Variants in SPTBN4 observed in about 807,000 individuals in gnomAD.
SPTBN4 encodes spectrin beta, non-erythrocytic 4, also known as spectrin beta chain, non-erythrocytic 4.
Under a neutral mutation model 277.8 loss-of-function variants are expected in SPTBN4, and 96 were observed. That is an observed-to-expected ratio of 0.35 (90% CI 0.29 to 0.41). The LOEUF is 0.41. Ranked by LOEUF, SPTBN4 falls within the 10% of genes least tolerant of loss-of-function variation. The pLI is 1.00. For missense variants in SPTBN4, 3,006 were observed against 3,595.7 expected (o/e 0.84, Z 4.19); for synonymous variants, 1,481 against 1,580.3 (o/e 0.94, Z 1.49).
intron 22 of SPTBN4, among the ~76,000 whole-genome samples, chr19:40,550,770 C>G (rs972820218): frequency 3.3e-5 from 5 of 152,140 alleles, no homozygotes; most frequent in Admixed American, 6.5e-5. Context: ...CCACTCGCCT[C>G]AGCCTCCCAA....
chr19:40,567,489 G>A (rs530957925), intron 30 of SPTBN4, among the ~76,000 whole-genome samples, 174 bp from the exon 31 acceptor site: 98 of 152,200 alleles, frequency 6.4e-4, no homozygotes, highest in African/African-American at 2.2e-3. Flanking sequence ...GAGAGAATAG[G>A]CTTTAAGTTC....
intron 32 of SPTBN4, 68 bp from the exon 33 acceptor site, chr19:40,570,367 CT>C: frequency 9.5e-7 from 1 of 1,055,122 alleles, no homozygotes; most frequent in Non-Finnish European, 1.3e-6. Flanking sequence ...AGACCCATGA[CT>C]CCCCCAAACA....
chr19:40,483,732 A>G (rs1042495117), intron 2 of SPTBN4, among the ~76,000 whole-genome samples: 7 of 152,150 alleles, frequency 4.6e-5, no homozygotes, highest in African/African-American at 1.7e-4. Context: ...GATGATGCCC[A>G]TGCCAAATAG....
intron 13 of SPTBN4, among the ~76,000 whole-genome samples, chr19:40,507,122 T>TA (rs1161994033): frequency 6.6e-6 from 1 of 152,050 alleles, no homozygotes; most frequent in Non-Finnish European, 1.5e-5. Flanking sequence ...CAGGGAAGCC[T>TA]AGTCAACATG....
chr19:40,530,437 GGCGGGCGCGCGGCCGCCGC>G (rs2080651778), intron 18 of SPTBN4: 1 of 926,970 alleles, frequency 1.1e-6, no homozygotes, highest in Non-Finnish European at 1.3e-6. Flanking sequence ...GGCGCACGCG[GGCGGGCGCGCGGCCGCCGC>G]GCGGGGGCGA....
At chr19:40,469,707 G>A (rs182248688) in intron 1 of SPTBN4, among the ~76,000 whole-genome samples, 5 of 149,178 alleles carry the variant, frequency 3.4e-5, no homozygotes, top group Admixed American at 2.7e-4. Flanking sequence ...GCAGTGGTGC[G>A]ATCTCGGCTC....
In SPTBN4 at chr19:40,560,151, C is replaced by A; in HGVS notation, c.5671-8C>A. 1.3e-6 allele frequency: 2 copies of A among 1,588,642 alleles called. No individual in the cohort carries two copies. The highest frequency in any genetic ancestry group is 1.7e-6 in the Non-Finnish European group (2 of 1,172,172). On this transcript the variant is annotated splice_region_variant and splice_polypyrimidine_tract_variant and intron_variant, in intron 26 of 35. Coordinates refer to ENST00000598249, the MANE Select transcript of SPTBN4 (RefSeq NM_020971.3). The surrounding 1 kb of genome is among the most constrained non-coding windows in gnomAD (Gnocchi z 5.2). ...GAGGGCTGGCGCCCGACCTGGCATG[C>A]CCTTCAGGTACGGCAGCTGCAGGAG...
intron 27 of SPTBN4, among the ~76,000 whole-genome samples, chr19:40,563,635 G>A (rs940043523): frequency 2.6e-5 from 3 of 113,654 alleles, no homozygotes; most frequent in Non-Finnish European, 5.4e-5. Flanking sequence ...TGATCCGCCC[G>A]CCTCAGCCTC....
At chr19:40,469,267 T>C (rs1382828781) in intron 1 of SPTBN4, among the ~76,000 whole-genome samples, 1 of 152,064 alleles carries the variant, frequency 6.6e-6, no homozygotes, top group Non-Finnish European at 1.5e-5. Flanking sequence ...AGTCTTTTTT[T>C]TTTCCTTTTT....
At chr19:40,514,329 G>T (rs2080429370) in intron 14 of SPTBN4, among the ~76,000 whole-genome samples, 1 of 152,242 alleles carries the variant, frequency 6.6e-6, no homozygotes, top group Non-Finnish European at 1.5e-5. Flanking sequence ...GGAGGACCAT[G>T]TCTAGCTTAA....
intron 20 of SPTBN4, among the ~76,000 whole-genome samples, chr19:40,548,965 T>C (rs975137823): frequency 2.0e-5 from 3 of 152,176 alleles, no homozygotes; most frequent in African/African-American, 7.2e-5. Context: ...AGGAAGAGCA[T>C]GCCTGGCAGA....
At position 40,523,385 on chromosome 19, in the gene SPTBN4, G is replaced by T. The variant is rs564471716; in HGVS notation, c.3655-52G>T. 3.9e-6 allele frequency: 6 copies of T among 1,525,072 alleles called. No individual in the cohort carries two copies. The East Asian group carries it at 1.2e-4, about 31-fold the overall frequency. 94.5% of individuals were successfully genotyped at this position (1,525,072 alleles called of 1,614,324 possible). On this transcript the variant is annotated intron_variant, in intron 16 of 35. Transcript: ENST00000598249. ...CAAGCCAGGCTGGCAGCCTCTCCCAGGTCCTGGAATGGAATGAGGCTGACC... is the reference window on the plus strand; with the variant it reads ...CAAGCCAGGCTGGCAGCCTCTCCCATGTCCTGGAATGGAATGAGGCTGACC...
chr19:40,521,819 C>G lies in SPTBN4; in HGVS notation c.3655-1618C>G, dbSNP rs578047095. Among the ~76,000 whole-genome samples, 11 of 152,220 alleles carry G rather than the reference C, an allele frequency of 7.2e-5. No homozygotes were observed. In the East Asian group the frequency reaches 2.1e-3, roughly 29 times the overall value. Reference sequence around the variant, plus strand: ...CCTTGAGAGACCCTTTCTGACCCACCCATTTAAAAAATAGAGACAGGATCT... The same window carrying G: ...CCTTGAGAGACCCTTTCTGACCCACGCATTTAAAAAATAGAGACAGGATCT... On this transcript the variant is annotated intron_variant, in intron 16 of 35. Coordinates refer to ENST00000598249, the MANE Select transcript of SPTBN4 (RefSeq NM_020971.3).
At chr19:40,467,511 C>T (rs1399441999) in intron 1 of SPTBN4, among the ~76,000 whole-genome samples, 1 of 152,050 alleles carries the variant, frequency 6.6e-6, no homozygotes, top group Non-Finnish European at 1.5e-5. Flanking sequence ...AGGCCTTGTC[C>T]TTCCCAGGCC....
At chr19:40,478,667 T>A (rs2079975461) in intron 2 of SPTBN4, among the ~76,000 whole-genome samples, 1 of 152,102 alleles carries the variant, frequency 6.6e-6, no homozygotes, top group Non-Finnish European at 1.5e-5. Flanking sequence ...TTCCTCTGCC[T>A]CCCGAGTAGT....
intron 18 of SPTBN4, among the ~76,000 whole-genome samples, chr19:40,529,618 A>T (rs2080639646): frequency 6.6e-6 from 1 of 152,030 alleles, no homozygotes; most frequent in African/African-American, 2.4e-5. Flanking sequence ...CACATTAGGG[A>T]CGATCTCCCC....
At position 40,565,821 on chromosome 19, in the gene SPTBN4, G is replaced by A. The variant is rs552167337; in HGVS notation, c.6139+76G>A. On this transcript the variant is annotated intron_variant, in intron 29 of 35. Coordinates refer to ENST00000598249, the MANE Select transcript of SPTBN4 (RefSeq NM_020971.3). ...AGCCTGTCCAGCCAAGGCCCAGAGG[G>A]TGACAGGAGCATGCTTTGCACCCTA... The A allele has an allele frequency of 3.7e-5, 54 of 1,472,228 alleles. No individual in the cohort carries two copies. The South Asian group carries it at 5.9e-4, about 16-fold the overall frequency. 91.2% of individuals were successfully genotyped at this position (1,472,228 alleles called of 1,614,324 possible).
chr19:40,567,819 T>G lies in SPTBN4; in HGVS notation c.6493T>G (p.Ser2165Ala). The change falls in exon 31 of 36, where the codon TCG becomes GCG. Residue 2165 changes from serine (S) to alanine (A), a missense_variant. Around this residue, in one of 5 missense-constraint regions of SPTBN4, gnomAD observed 630 missense variants for 677.6 expected, o/e 0.93. Transcript: ENST00000598249. ...CTTGGAGCCCCTGGCCCGCCGAGCC[T>G]CGGACACGCTCTCGGCCGAGGTGCG... ...RGLEPLARRA[S>A]DTLSAEVRTR... 2.0e-6 allele frequency: 3 copies of G among 1,516,998 alleles called. No homozygotes were observed. Among genetic ancestry groups the G allele is most frequent in the East Asian group, 2.6e-5 (1 of 37,954 alleles). 94.0% of individuals were successfully genotyped at this position (1,516,998 alleles called of 1,614,324 possible). A position where few individuals can be genotyped will look rare whatever the true frequency, so the allele number is the denominator to read the frequency against.
intron 6 of SPTBN4, among the ~76,000 whole-genome samples, chr19:40,495,434 G>C (rs1261060505): frequency 6.6e-6 from 1 of 152,110 alleles, no homozygotes; most frequent in Non-Finnish European, 1.5e-5. Flanking sequence ...CCTGATGTTA[G>C]GAGTTCAAGA....
Sources: gnomAD v4.1 joint callset for allele counts (sites outside exome capture counted in the v4.1 genomes callset) on GRCh38, gnomAD v4.1.1 for gene constraint, gnomAD v4.1.1 regional missense constraint, Gnocchi (gnomAD v3.1) non-coding constraint, MANE v1.5 for transcripts, NCBI Gene and HGNC (gene_info 2026-07-23, HGNC 2026-07-21) for gene names.